Variants in KCNMA1 observed in about 807,000 individuals in gnomAD.
KCNMA1 encodes the protein potassium calcium-activated channel subfamily M alpha 1, also known as Calcium-activated potassium channel subunit alpha-1.
A neutral mutation model predicts 140.0 loss-of-function variants in KCNMA1; 29 were observed. That is an observed-to-expected ratio of 0.21 (90% CI 0.15 to 0.28). The LOEUF (loss-of-function observed/expected upper bound fraction) is 0.28. Ranked by LOEUF, KCNMA1 falls within the 10% of genes least tolerant of loss-of-function variation. The pLI, the probability that KCNMA1 is intolerant of heterozygous loss-of-function variation, is 1.00. For missense variants in KCNMA1, 880 were observed against 1,602.2 expected, an observed-to-expected ratio of 0.55 and a Z score of 7.70; for synonymous variants, 612 against 611.9, an observed-to-expected ratio of 1.00 and a Z score of 0.00.
At chr10:77,010,022 CA>C (rs1302331289) in intron 18 of KCNMA1, among the ~76,000 whole-genome samples, 1 of 152,150 alleles carries the variant, frequency 6.6e-6, no homozygotes, top group Non-Finnish European at 1.5e-5. Context: ...GCAGCTCATC[CA>C]AAGAAGATAC....
intron 23 of KCNMA1, among the ~76,000 whole-genome samples, chr10:76,934,233 G>C (rs183251093): frequency 2.0e-5 from 3 of 152,280 alleles, no homozygotes; most frequent in African/African-American, 7.2e-5. Context: ...CGGCCCCCCA[G>C]TGTGCTGGGA....
intron 1 of KCNMA1, among the ~76,000 whole-genome samples, chr10:77,421,061 G>A (rs967112033): frequency 5.3e-5 from 8 of 152,236 alleles, no homozygotes; most frequent in African/African-American, 1.9e-4. Context: ...AAGATGCTCT[G>A]GCACATCTGG....
intron 5 of KCNMA1, among the ~76,000 whole-genome samples, chr10:77,145,821 T>G (rs1226907018): frequency 6.6e-6 from 1 of 152,196 alleles, no homozygotes; most frequent in Non-Finnish European, 1.5e-5. Flanking sequence ...CTGGGCCCAG[T>G]GTTATAGGAT....
rs766523676 is a variant in KCNMA1 at position 77,204,263 on chromosome 10, CAAG to C, written c.603-19350_603-19348del. 2.1e-3 allele frequency among the ~76,000 whole-genome samples: 327 copies of C among 152,134 alleles called. 2 individuals carry two copies. The highest frequency in any genetic ancestry group is 1.2e-3 in the South Asian group (6 of 4,812). ...TTCAGGTTATCTCACCTCATGTGTG[CAAG>C]AAGAAGAATGGGAATGACCTTGGAG... is the stretch of plus-strand genomic sequence containing the variant. On this transcript the variant is annotated intron_variant, in intron 3 of 27. Transcript: ENST00000286628.
intron 5 of KCNMA1, among the ~76,000 whole-genome samples, chr10:77,161,305 C>T (rs927875): frequency 0.3 from 45,978 of 151,998 alleles, 7,151 homozygotes; most frequent in Middle Eastern, 0.42. Context: ...TGGGGTACAG[C>T]GGCATGATTA....
chr10:77,083,501 TAAAAAAAA>T (rs35527205), intron 12 of KCNMA1, among the ~76,000 whole-genome samples: 1,263 of 91,388 alleles, frequency 0.014, 13 homozygotes, highest in Middle Eastern at 0.032. Context: ...AGATGTTCTG[TAAAAAAAA>T]AAAAAAAAAA....
At chr10:77,557,205 C>T (rs1452429169) in intron 1 of KCNMA1, among the ~76,000 whole-genome samples, 2 of 152,236 alleles carry the variant, frequency 1.3e-5, no homozygotes. Context: ...CTGTCAATCA[C>T]TGTCAAAAGG....
chr10:77,064,367 AG>A (rs1437531265), intron 14 of KCNMA1, among the ~76,000 whole-genome samples: 4 of 152,200 alleles, frequency 2.6e-5, no homozygotes, highest in African/African-American at 4.8e-5. Flanking sequence ...TGTTGGGGGA[AG>A]GAGGGAGAAG....
intron 19 of KCNMA1, chr10:76,979,473 T>C (rs113864945): frequency 6.6e-5 from 10 of 152,230 alleles, no homozygotes; most frequent in African/African-American, 2.4e-4. Flanking sequence ...ACTTTCTTTT[T>C]CTTTCCCCCC....
At chr10:76,930,269 T>C (rs922625115) in intron 23 of KCNMA1, 3 of 152,184 alleles carry the variant, frequency 2.0e-5, no homozygotes, top group African/African-American at 7.2e-5. Context: ...AGAACTCATA[T>C]ACTCAGTAGC....
chr10:76,877,778 G>A (rs1189637769), exon 30 of KCNMA1: 2 of 1,567,440 alleles, frequency 1.3e-6, no homozygotes, highest in South Asian at 1.2e-5. Context: ...GTGGAATCAA[G>A]CTGCTTGTGG....
chr10:76,920,018 G>A (rs11001931), intron 23 of KCNMA1, among the ~76,000 whole-genome samples: 1,636 of 42,670 alleles, frequency 0.038, 25 homozygotes, highest in East Asian at 0.074. Flanking sequence ...GTGTGTGTGT[G>A]TGTATATATA....
chr10:76,872,388 T>C (rs1325348761), downstream of KCNMA1: 3 of 152,222 alleles, frequency 2.0e-5, no homozygotes, highest in Non-Finnish European at 4.4e-5. Context: ...CATGATATCT[T>C]CCAGGAAGAA....
chr10:77,322,068 G>C (rs1483415863), intron 2 of KCNMA1, among the ~76,000 whole-genome samples: 1 of 152,208 alleles, frequency 6.6e-6, no homozygotes. Context: ...CCTTTAAAGA[G>C]ATGACTCAGG....
intron 27 of KCNMA1, 117 bp from the exon 28 acceptor site, chr10:76,887,632 G>T: frequency 8.7e-7 from 1 of 1,154,264 alleles, no homozygotes; most frequent in Non-Finnish European, 1.3e-6. Flanking sequence ...TCTGGAAGAT[G>T]CACTCCTAGC....
chr10:77,178,871 G>T (rs567493172), intron 5 of KCNMA1, among the ~76,000 whole-genome samples: 1 of 152,192 alleles, frequency 6.6e-6, no homozygotes, highest in African/African-American at 2.4e-5. Context: ...ATTTCAAGGT[G>T]CATTTATTTT....
chr10:77,216,165 G>A (rs775514045), intron 3 of KCNMA1, among the ~76,000 whole-genome samples: 1 of 152,142 alleles, frequency 6.6e-6, no homozygotes, highest in Non-Finnish European at 1.5e-5. Flanking sequence ...ATGAGTAGTT[G>A]CCTAGGGCTG....
chr10:76,895,158 C>T (rs574016395), intron 25 of KCNMA1, among the ~76,000 whole-genome samples: 99 of 152,294 alleles, frequency 6.5e-4, no homozygotes, highest in Non-Finnish European at 1.2e-3. Context: ...TCACGTACCC[C>T]CTGCTTGCTC....
chr10:77,384,621 G>A (rs2095539174), intron 2 of KCNMA1, among the ~76,000 whole-genome samples: 1 of 152,208 alleles, frequency 6.6e-6, no homozygotes, highest in African/African-American at 2.4e-5. Context: ...AATAACTGGA[G>A]AGCACTGAGG....
Sources: allele counts gnomAD v4.1 joint callset (sites outside exome capture counted in the v4.1 genomes callset), GRCh38; gene constraint gnomAD v4.1.1; transcripts MANE v1.5; gene names NCBI Gene and HGNC (gene_info 2026-07-23, HGNC 2026-07-21).